Variants in C1orf167 observed in about 807,000 individuals in gnomAD.
C1orf167 encodes chromosome 1 open reading frame 167.
In C1orf167, 153 loss-of-function variants were observed where a neutral mutation model predicts 176.5. That is an observed-to-expected ratio of 0.87 (90% CI 0.76 to 0.99). The LOEUF (loss-of-function observed/expected upper bound fraction) is 0.99, where lower values mean the gene tolerates loss of function less well. Ranked by LOEUF, C1orf167 falls within the 50% of genes least tolerant of loss-of-function variation. The pLI, the probability that C1orf167 is intolerant of heterozygous loss-of-function variation, is 0.00. For synonymous variants in C1orf167, 594 were observed against 752.7 expected (o/e 0.79, Z 3.45); for missense variants, 1,490 against 1,817.7 (o/e 0.82, Z 3.28).
intron 17 of C1orf167, 105 bp downstream of exon 17, chr1:11,787,598 A>G: frequency 1.2e-6 from 1 of 859,062 alleles, no homozygotes; most frequent in Non-Finnish European, 1.6e-6. Context: ...ACACGGTCTT[A>G]TGTGTATTGA....
rs1234822908 is a variant in C1orf167, at chr1:11,784,440, C to T, written c.3272C>T (p.Ala1091Val). The T allele has an allele frequency of 1.5e-6, 2 of 1,303,460 alleles. No individual in the cohort carries two copies. Among genetic ancestry groups the T allele is most frequent in the African/African-American group, 1.5e-5 (1 of 65,864 alleles). 80.7% of individuals were successfully genotyped at this position (1,303,460 alleles called of 1,614,324 possible). A position where few individuals can be genotyped will look rare whatever the true frequency, so the allele number is the denominator to read the frequency against. The change falls in exon 15 of 21, where the codon GCC (alanine) becomes GTC (valine). Residue 1091 changes from alanine to valine, a missense_variant. Ala to Val is a moderately conservative substitution (Grantham distance 64). Coordinates refer to ENST00000688073, the MANE Select transcript of C1orf167 (RefSeq NM_001010881.2). ...APQAFPAWPV[A>V]PGMHHEAQQQ... ...CAGGCCTTCCCAGCATGGCCAGTGG[C>T]CCCGGGCATGCACCATGAGGCCCAG... is the stretch of plus-strand genomic sequence containing the variant.
Position 11,784,535 on chromosome 1 carries a change from C to T in C1orf167, c.3367C>T (p.His1123Tyr). The T allele has an allele frequency of 7.7e-7, 1 of 1,297,746 alleles. No individual in the cohort carries two copies. Among genetic ancestry groups the T allele is most frequent in the South Asian group, 1.2e-5 (1 of 80,492 alleles). 80.4% of individuals were successfully genotyped at this position (1,297,746 alleles called of 1,614,324 possible). ...CWTWCWALWV[H>Y]ESCRGQVSRA... ...GACTTGGTGCTGGGCTCTGTGGGTGCATGAGTCCTGTCGGGGCCAGGTCAG... is the reference window on the plus strand; with the variant it reads ...GACTTGGTGCTGGGCTCTGTGGGTGTATGAGTCCTGTCGGGGCCAGGTCAG... Residue 1123 changes from histidine (H) to tyrosine (Y), a missense_variant, in exon 15 of 21, where the codon CAT (histidine) becomes TAT (tyrosine). His to Tyr is a moderately conservative substitution (Grantham distance 83). Coordinates refer to ENST00000688073, the MANE Select transcript of C1orf167 (RefSeq NM_001010881.2).
chr1:11,777,646 A>AG (rs1643383956), intron 10 of C1orf167: 3 of 1,980 alleles, frequency 1.5e-3, no homozygotes, highest in Non-Finnish European at 4.4e-3. Flanking sequence ...AATCCATCTC[A>AG]AAAAAAAAAA....
intron 2 of C1orf167, 84 bp downstream of exon 2, chr1:11,764,554 G>A (rs1197456721): frequency 2.5e-6 from 3 of 1,181,142 alleles, no homozygotes; most frequent in Non-Finnish European, 3.4e-6. Context: ...CTCCCAGGCA[G>A]GCCAGCCTAT....
At chr1:11,773,181 C>T (rs1208391898) in intron 8 of C1orf167, among the ~76,000 whole-genome samples, 2 of 151,696 alleles carry the variant, frequency 1.3e-5, no homozygotes, top group East Asian at 2.0e-4. Context: ...GCATGAGCCA[C>T]CGCACCCGGC....
At chr1:11,769,200 A>C in intron 6 of C1orf167, 73 bp downstream of exon 6, 29 of 948,256 alleles carry the variant, frequency 3.1e-5, no homozygotes, top group Non-Finnish European at 3.4e-5. Flanking sequence ...CTACTTCCTC[A>C]TCCCCACAAA....
At position 11,785,219 on chromosome 1, in the gene C1orf167, C is replaced by T. The variant is rs186957217; in HGVS notation, c.3497C>T (p.Pro1166Leu). Residue 1166 changes from proline (P) to leucine (L), a missense_variant, in exon 16 of 21, where the codon CCG becomes CTG. Pro to Leu is a moderately conservative substitution (Grantham distance 98, BLOSUM62 -3). Transcript: ENST00000688073. ...CGAGCCATCCTCACCCAGCTCCGGC[C>T]GGCTGAGCTCAGGCGCTTCCTGCGG... Reference protein sequence around the residue: ...VQRAILTQLRPAELRRFLRTV... With the variant: ...VQRAILTQLRLAELRRFLRTV... 6.7e-5 allele frequency: 86 copies of T among 1,291,686 alleles called. No individual in the cohort carries two copies. In the African/African-American group the frequency reaches 1.1e-3, roughly 16 times the overall value. The allele number at this position is 1,291,686 out of a possible 1,614,324, so 80.0% of individuals were successfully genotyped here. A position where few individuals can be genotyped will look rare whatever the true frequency, so the allele number is the denominator to read the frequency against.
rs1455762228 is a variant in C1orf167, at chr1:11,775,455, AGTTC to A, written c.2012_2015del (p.Phe671CysfsTer19). On this transcript the variant is annotated frameshift_variant, in exon 9 of 21. Transcript: ENST00000688073. LOFTEE classifies it high-confidence loss of function. ...CCCAGGTGCTTCGGGGCGTGGCAGC[AGTTC>A]GTGCAAAGAGGGTCCCGGTACCGAG... 1.5e-5 allele frequency: 19 copies of A among 1,301,860 alleles called. No homozygotes were observed. Among genetic ancestry groups the A allele is most frequent in the Non-Finnish European group, 1.8e-5 (18 of 987,900 alleles). 80.6% of individuals were successfully genotyped at this position (1,301,860 alleles called of 1,614,324 possible).
intron 3 of C1orf167, 25 bp from the exon 4 acceptor site, chr1:11,767,194 CTG>C: frequency 7.8e-7 from 1 of 1,289,602 alleles, no homozygotes; most frequent in Non-Finnish European, 1.0e-6. Context: ...GGCCTGAGAA[CTG>C]TGTTATGTAC....
At chr1:11,769,743 C>T (rs1642965207) in intron 6 of C1orf167, among the ~76,000 whole-genome samples, 1 of 149,886 alleles carries the variant, frequency 6.7e-6, no homozygotes, top group African/African-American at 2.5e-5. Context: ...ACAATCTCAG[C>T]TCACTGCAAG....
In C1orf167 at chr1:11,772,089, C is replaced by G. The variant is rs1331449019; in HGVS notation, c.1818C>G (p.Phe606Leu). The change falls in exon 8 of 21, where the codon TTC becomes TTG. Residue 606 changes from phenylalanine (F) to leucine (L), a missense_variant. By Grantham distance (22) the Phe-to-Leu change is conservative (BLOSUM62 0). Coordinates refer to ENST00000688073, the MANE Select transcript of C1orf167 (RefSeq NM_001010881.2). ...ILQALQLAVF[F>L]LWCQQKKRAR... ...TCCTCCCTCTCTCCTTAGTGTTCTT[C>G]CTGTGGTGCCAACAGAAGAAACGGG... The G allele has an allele frequency of 7.7e-7, 1 of 1,303,392 alleles. No homozygotes were observed. Among genetic ancestry groups the G allele is most frequent in the African/African-American group, 1.5e-5 (1 of 65,814 alleles). The allele number at this position is 1,303,392 out of a possible 1,614,324, so 80.7% of individuals were successfully genotyped here.
rs1294712174 is a variant in C1orf167 at position 11,782,293 on chromosome 1, A to T, written c.2965A>T (p.Arg989Ter). Residue 989 changes from arginine to a stop codon, truncating the protein, a stop_gained, in exon 14 of 21, where the codon AGA becomes TGA. Transcript: ENST00000688073. LOFTEE classifies it high-confidence loss of function. ...RSWQQAAAHQRCTVTRPEQLL... is the reference protein window; with the variant it reads ...RSWQQAAAHQ ...CTGGCAGCAGGCAGCAGCTCATCAG[A>T]GATGCACAGTGACCCGGCCAGAGCA... 1 of 1,294,890 alleles carries T rather than the reference A, an allele frequency of 7.7e-7. No individual in the cohort carries two copies. The highest frequency in any genetic ancestry group is 1.0e-6 in the Non-Finnish European group (1 of 985,978). 80.2% of individuals were successfully genotyped at this position (1,294,890 alleles called of 1,614,324 possible).
chr1:11,764,985 C>T (rs533168151), intron 2 of C1orf167, among the ~76,000 whole-genome samples: 81 of 123,498 alleles, frequency 6.6e-4, no homozygotes, highest in African/African-American at 2.4e-3. Flanking sequence ...ACCCAGGAGG[C>T]GGAGGTTGTA....
At chr1:11,769,614 G>T (rs1642954713) in intron 6 of C1orf167, among the ~76,000 whole-genome samples, 1 of 151,268 alleles carries the variant, frequency 6.6e-6, no homozygotes, top group Admixed American at 6.6e-5. Flanking sequence ...AGTGAGTGAG[G>T]AAATGATGGT....
chr1:11,780,878 G>T lies in C1orf167; in HGVS notation c.2860+868G>T, dbSNP rs550258033. The stretch of plus-strand genomic sequence containing the variant: ...GGATTTGCAGAGGCTGGCTGAGGGT[G>T]CAGTGTGTTAGAAGCCCTGAGGAAT... On this transcript the variant is annotated intron_variant, in intron 13 of 20. Transcript: ENST00000688073. 6.0e-4 allele frequency among the ~76,000 whole-genome samples: 91 copies of T among 152,256 alleles called. 1 individual carries two copies. Among genetic ancestry groups the T allele is most frequent in the African/African-American group, 2.2e-3 (90 of 41,552 alleles).
At chr1:11,781,636 C>T (rs1422665087) in intron 13 of C1orf167, among the ~76,000 whole-genome samples, 1 of 152,130 alleles carries the variant, frequency 6.6e-6, no homozygotes, top group African/African-American at 2.4e-5. Flanking sequence ...TTGGGCCGGG[C>T]GCAGTGGCTC....
In C1orf167 at chr1:11,784,205, GAC is replaced by G. The variant is rs1449272859; in HGVS notation, c.3040_3041del (p.Thr1014GlyfsTer83). Reference protein sequence around the residue: ...YFQAWCEVVRDTGVLRAQHQA... With the variant: ...YFQAWCEVVRXTGVLRAQHQA... ...CCAGGCCTGGTGTGAGGTTGTAAGAGACACGGGGGTGCTCCGGGCCCAGCATC... is the reference window on the plus strand; with the variant it reads ...CCAGGCCTGGTGTGAGGTTGTAAGAGACGGGGGTGCTCCGGGCCCAGCATC... On this transcript the variant is annotated frameshift_variant, in exon 15 of 21. Transcript: ENST00000688073. LOFTEE classifies it high-confidence loss of function. 1 of 1,262,104 alleles carries G rather than the reference GAC, an allele frequency of 7.9e-7. No homozygotes were observed. Among genetic ancestry groups the G allele is most frequent in the Non-Finnish European group, 1.0e-6 (1 of 967,024 alleles). The allele number at this position is 1,262,104 out of a possible 1,614,324, so 78.2% of individuals were successfully genotyped here. A position where few individuals can be genotyped will look rare whatever the true frequency, so the allele number is the denominator to read the frequency against.
At chr1:11,762,378 C>T (rs564774110) in intron 1 of C1orf167, 73 bp downstream of exon 1, 4 of 349,564 alleles carry the variant, frequency 1.1e-5, no homozygotes, top group South Asian at 4.2e-5. Context: ...AGGCTGTGAG[C>T]CCCCTTAAGT....
chr1:11,776,717 G>C (rs1643333922), intron 10 of C1orf167, 79 bp downstream of exon 10: 1 of 1,122,388 alleles, frequency 8.9e-7, no homozygotes, highest in African/African-American at 1.7e-5. Context: ...TCAGCACCAG[G>C]AGGAATGCGG....
Sources: allele counts gnomAD v4.1 joint callset (sites outside exome capture counted in the v4.1 genomes callset), GRCh38; gene constraint gnomAD v4.1.1; transcripts MANE v1.5; gene names NCBI Gene and HGNC (gene_info 2026-07-23, HGNC 2026-07-21).